The following INPP5A variants were observed in gnomAD, a reference collection of about 807,000 sequenced individuals.
INPP5A encodes inositol polyphosphate-5-phosphatase A.
INPP5A carries 14 observed loss-of-function variants against 65.2 expected under a neutral mutation model. That is an observed-to-expected ratio of 0.21 (90% CI 0.14 to 0.34). The LOEUF is 0.34. Among genes scored for constraint, INPP5A ranks in the 10% least tolerant of loss-of-function variants. INPP5A has a pLI of 1.00. For missense variants in INPP5A, 431 were observed against 545.6 expected, an observed-to-expected ratio of 0.79 and a Z score of 2.09; for synonymous variants, 207 against 208.3, an observed-to-expected ratio of 0.99 and a Z score of 0.05.
In INPP5A at chr10:132,650,593, C is replaced by A; in HGVS notation, c.306+88C>A. On this transcript the variant is annotated intron_variant, in intron 4 of 15. Coordinates refer to ENST00000368594, the MANE Select transcript of INPP5A (RefSeq NM_005539.5). This position sits in a 1 kb window ranked among gnomAD's most constrained non-coding sequence, Gnocchi z 5.5. Reference sequence around the variant, plus strand: ...TTCTCCTGTGTAAATGGAGAGAGGTCGGGGTGCTCCCTGCCTGAAGCCTCA... The same window carrying A: ...TTCTCCTGTGTAAATGGAGAGAGGTAGGGGTGCTCCCTGCCTGAAGCCTCA... The A allele has an allele frequency of 1.1e-6, 1 of 926,530 alleles. No homozygotes were observed. The highest frequency in any genetic ancestry group is 1.7e-6 in the Non-Finnish European group (1 of 574,574). 57.4% of individuals were successfully genotyped at this position (926,530 alleles called of 1,614,324 possible).
At chr10:132,583,832 A>T (rs889953882) in intron 1 of INPP5A, among the ~76,000 whole-genome samples, 1 of 152,228 alleles carries the variant, frequency 6.6e-6, no homozygotes, top group Non-Finnish European at 1.5e-5. Flanking sequence ...CTGTAATCCC[A>T]GCACTTTTGG....
chr10:132,783,056 T>C lies in INPP5A; in HGVS notation c.*1027T>C, dbSNP rs928879800. ...TAACATGGGCTGTATATAAAAATAT[T>C]AAAGAGAAACAAAACTGTACATTTC... On this transcript the variant is annotated 3_prime_UTR_variant, in exon 16 of 16. Coordinates refer to ENST00000368594, the MANE Select transcript of INPP5A (RefSeq NM_005539.5). The C allele has an allele frequency of 3.3e-5, 5 of 152,418 alleles. No homozygotes were observed. Among genetic ancestry groups the C allele is most frequent in the African/African-American group, 1.2e-4 (5 of 41,456 alleles). The allele number at this position is 152,418 out of a possible 1,614,324, so 9.4% of individuals were successfully genotyped here. A position where few individuals can be genotyped will look rare whatever the true frequency, so the allele number is the denominator to read the frequency against.
intron 13 of INPP5A, among the ~76,000 whole-genome samples, chr10:132,779,471 T>C (rs1310240824): frequency 2.0e-5 from 3 of 152,264 alleles, no homozygotes; most frequent in African/African-American, 4.8e-5. Context: ...CTGGCAGGGC[T>C]GTGGCCTCCC....
At chr10:132,777,900 C>G (rs779682795) in intron 13 of INPP5A, 118 bp downstream of exon 13, 1 of 1,524,092 alleles carries the variant, frequency 6.6e-7, no homozygotes, top group Admixed American at 2.0e-5. Flanking sequence ...GGAATGCTGC[C>G]AGGTTGGGCC....
Position 132,749,534 on chromosome 10 carries a change from C to T in INPP5A, c.750C>T (p.Ala250=). Residue 250 remains alanine (A), a synonymous_variant, in exon 10 of 16, where the codon GCC becomes GCT. Transcript: ENST00000368594. ...TTCTGCAGACGCTCTGCACAAAAGC[C>T]ACCATGCAGACGGTCCGGGCCGCCG... ...KSVVETLCTK[A]TMQTVRAADT... is the part of the protein sequence containing the mutation. 6.2e-7 allele frequency: 1 copy of T among 1,612,976 alleles called. No homozygotes were observed. Among genetic ancestry groups the T allele is most frequent in the African/African-American group, 1.3e-5 (1 of 75,060 alleles).
chr10:132,746,043 C>T (rs899986900), intron 9 of INPP5A, among the ~76,000 whole-genome samples: 5 of 152,208 alleles, frequency 3.3e-5, no homozygotes, highest in African/African-American at 1.2e-4. Flanking sequence ...TGGGGTAGGG[C>T]CTCGGCGTTG....
chr10:132,718,257 G>A (rs1328087426), intron 8 of INPP5A, among the ~76,000 whole-genome samples: 1 of 145,738 alleles, frequency 6.9e-6, no homozygotes, highest in South Asian at 2.3e-4. Context: ...GCTGTCTTGC[G>A]GGTTCTGTGG....
At chr10:132,590,327 G>A (rs774993077) in intron 1 of INPP5A, among the ~76,000 whole-genome samples, 11 of 151,862 alleles carry the variant, frequency 7.2e-5, no homozygotes, top group Non-Finnish European at 1.3e-4. Context: ...TGATGATGCC[G>A]TTCTGTGTGG....
At chr10:132,691,167 C>T (rs534453194) in intron 5 of INPP5A, among the ~76,000 whole-genome samples, 1 of 152,196 alleles carries the variant, frequency 6.6e-6, no homozygotes, top group East Asian at 1.9e-4. Context: ...GGAGACGGAG[C>T]GGCTCCTGTG....
chr10:132,606,864 A>G (rs921659338), intron 1 of INPP5A, among the ~76,000 whole-genome samples: 2 of 152,196 alleles, frequency 1.3e-5, no homozygotes, highest in Non-Finnish European at 2.9e-5. Context: ...CATTAAATTT[A>G]CCACCTTAAC....
intron 7 of INPP5A, chr10:132,708,654 G>A (rs908521714): frequency 5.9e-5 from 30 of 510,730 alleles, no homozygotes; most frequent in Middle Eastern, 5.7e-4. Context: ...GCCAGAGCCC[G>A]CTGCACAGAG....
In INPP5A at chr10:132,698,444, T is replaced by G. The variant is rs1845380805; in HGVS notation, c.474+525T>G. Among the ~76,000 whole-genome samples the G allele has an allele frequency of 6.6e-6, 1 of 152,258 alleles. No homozygotes were observed. The highest frequency in any genetic ancestry group is 2.4e-5 in the African/African-American group (1 of 41,462). ...AGAATCAAAATGTGTGGAAGGCATT[T>G]GTCGTCTCACTGCCAGACACGGTGT... On this transcript the variant is annotated intron_variant, in intron 6 of 15. Coordinates refer to ENST00000368594, the MANE Select transcript of INPP5A (RefSeq NM_005539.5). This position sits in a 1 kb window ranked among gnomAD's most constrained non-coding sequence, Gnocchi z 5.5.
intron 2 of INPP5A, among the ~76,000 whole-genome samples, chr10:132,613,858 C>G (rs1397652021): frequency 6.6e-6 from 1 of 152,236 alleles, no homozygotes; most frequent in Admixed American, 6.5e-5. Flanking sequence ...TGCCTCGACA[C>G]TGGGCCTCTG....
At chr10:132,634,586 AG>A (rs1261254042) in intron 2 of INPP5A, among the ~76,000 whole-genome samples, 1 of 152,252 alleles carries the variant, frequency 6.6e-6, no homozygotes. Flanking sequence ...TTGAGTGCCA[AG>A]GGAGGGCGCT....
chr10:132,720,856 G>A (rs546251821), intron 8 of INPP5A, among the ~76,000 whole-genome samples: 11 of 147,232 alleles, frequency 7.5e-5, no homozygotes, highest in African/African-American at 2.0e-4. Flanking sequence ...CACCTTAGAC[G>A]GCTGTCTTCA....
chr10:132,607,934 A>G lies in INPP5A; in HGVS notation c.95A>G (p.Asn32Ser). 1 of 1,611,552 alleles carries G rather than the reference A, an allele frequency of 6.2e-7. No homozygotes were observed. The highest frequency in any genetic ancestry group is 8.5e-7 in the Non-Finnish European group (1 of 1,179,998). Residue 32 changes from asparagine (N) to serine (S), a missense_variant, in exon 2 of 16, where the codon AAC becomes AGC. Physicochemically the swap from Asn to Ser is conservative, Grantham distance 46. Transcript: ENST00000368594. The part of the protein sequence containing the change: ...LFDDPENLQK[N>S]WLREFYQVVH... ...TTACAGCCAGAAAACCTGCAGAAGA[A>G]CTGGCTTCGGGAATTTTACCAGGTA... is the stretch of plus-strand genomic sequence containing the variant.
intron 12 of INPP5A, among the ~76,000 whole-genome samples, chr10:132,776,059 T>C (rs1439745625): frequency 6.6e-6 from 1 of 151,816 alleles, no homozygotes; most frequent in African/African-American, 2.4e-5. Context: ...CTGCATCCAG[T>C]TTCCACTCGT....
chr10:132,600,152 C>T (rs1232911211), intron 1 of INPP5A, among the ~76,000 whole-genome samples: 2 of 152,202 alleles, frequency 1.3e-5, no homozygotes, highest in African/African-American at 4.8e-5. Flanking sequence ...ATAGGTTTTG[C>T]TTCTCTATCA....
chr10:132,597,091 GTGCATGTGTT>G (rs1035968445), intron 1 of INPP5A, among the ~76,000 whole-genome samples: 2 of 151,982 alleles, frequency 1.3e-5, no homozygotes, highest in African/African-American at 4.8e-5. Context: ...GTGTGTATGT[GTGCATGTGTT>G]TGCATGTGTG....
Sources: gnomAD v4.1 joint callset for allele counts (sites outside exome capture counted in the v4.1 genomes callset) on GRCh38, gnomAD v4.1.1 for gene constraint, Gnocchi (gnomAD v3.1) non-coding constraint, MANE v1.5 for transcripts, NCBI Gene and HGNC (gene_info 2026-07-23, HGNC 2026-07-21) for gene names.